Variants in SMG6 observed in about 807,000 individuals in gnomAD.
The protein encoded by SMG6 is SMG6 nonsense mediated mRNA decay factor, also known as telomerase-binding protein EST1A.
A neutral mutation model predicts 142.2 loss-of-function variants in SMG6; 66 were observed. The observed-to-expected ratio is 0.46, with a 90% confidence interval of 0.38 to 0.57. The LOEUF (loss-of-function observed/expected upper bound fraction) is 0.57, where lower values mean the gene tolerates loss of function less well. SMG6 is among the 20% of genes least tolerant of loss of function. The pLI is 0.00. For missense variants in SMG6, 1,793 were observed against 1,832.0 expected (o/e 0.98, Z 0.39); for synonymous variants, 779 against 702.4 (o/e 1.11, Z -1.72).
At chr17:2,149,370 A>AG (rs2070761037) in intron 13 of SMG6, among the ~76,000 whole-genome samples, 1 of 143,944 alleles carries the variant, frequency 6.9e-6, no homozygotes, top group Non-Finnish European at 1.5e-5. Flanking sequence ...AAAAAAAAAA[A>AG]AAAAGGGTTA....
rs1247144149 is a variant in SMG6, at chr17:2,068,193, G to A, written c.3835+585C>T. ...AGCTGGGTCCTGAGATGCTGACCCTGCACCAGCACCAAGGCCCAGACAGTG... is the reference window on the plus strand; with the variant it reads ...AGCTGGGTCCTGAGATGCTGACCCTACACCAGCACCAAGGCCCAGACAGTG... On this transcript the variant is annotated intron_variant, in intron 16 of 18. Transcript: ENST00000263073. The surrounding 1 kb of genome is among the most constrained non-coding windows in gnomAD (Gnocchi z 6.7). Among the ~76,000 whole-genome samples the A allele has an allele frequency of 6.6e-6, 1 of 152,184 alleles. No individual in the cohort carries two copies. Among genetic ancestry groups the A allele is most frequent in the Non-Finnish European group, 1.5e-5 (1 of 68,042 alleles).
chr17:2,081,570 T>C (rs1260779302), intron 15 of SMG6, among the ~76,000 whole-genome samples: 2 of 152,134 alleles, frequency 1.3e-5, no homozygotes, highest in Non-Finnish European at 2.9e-5. Context: ...GGAAGCAGCT[T>C]TTCTCAGAGT....
chr17:2,150,551 G>C (rs2070794717), intron 13 of SMG6, among the ~76,000 whole-genome samples: 1 of 151,446 alleles, frequency 6.6e-6, no homozygotes, highest in South Asian at 2.1e-4. Context: ...AAAGGACACA[G>C]CTATGCCCCA....
chr17:2,096,001 A>G (rs2068846095), intron 13 of SMG6, among the ~76,000 whole-genome samples: 2 of 152,100 alleles, frequency 1.3e-5, no homozygotes, highest in African/African-American at 4.8e-5. Flanking sequence ...ACCTGCAGTT[A>G]TTTTACATTT....
At chr17:2,111,246 T>G (rs2069307385) in intron 13 of SMG6, among the ~76,000 whole-genome samples, 1 of 151,824 alleles carries the variant, frequency 6.6e-6, no homozygotes, top group African/African-American at 2.4e-5. Context: ...CAGACAGTAG[T>G]GGGAAGTACT....
intron 4 of SMG6, among the ~76,000 whole-genome samples, chr17:2,296,931 G>A (rs2075154138): frequency 6.6e-6 from 1 of 150,852 alleles, no homozygotes; most frequent in Non-Finnish European, 1.5e-5. Context: ...GGAGGCAGAG[G>A]TTGAAGGTTA....
chr17:2,158,886 T>C (rs1485587074), intron 13 of SMG6, among the ~76,000 whole-genome samples: 1 of 145,138 alleles, frequency 6.9e-6, no homozygotes, highest in Non-Finnish European at 1.5e-5. Context: ...AAGTTTGCTG[T>C]TCAAGACTAT....
At chr17:2,278,167 G>A (rs551565585) in intron 8 of SMG6, among the ~76,000 whole-genome samples, 303 of 151,828 alleles carry the variant, frequency 2.0e-3, no homozygotes, top group Non-Finnish European at 3.2e-3. Flanking sequence ...TGATGTCTCC[G>A]AAGGAAAGAA....
intron 8 of SMG6, among the ~76,000 whole-genome samples, chr17:2,276,620 A>C (rs2074655308): frequency 6.6e-6 from 1 of 152,172 alleles, no homozygotes; most frequent in Non-Finnish European, 1.5e-5. Flanking sequence ...TTCCAACCTC[A>C]GGTGATCCAC....
intron 13 of SMG6, among the ~76,000 whole-genome samples, chr17:2,121,788 T>C (rs2069710693): frequency 1.3e-5 from 2 of 152,098 alleles, no homozygotes; most frequent in African/African-American, 4.8e-5. Flanking sequence ...GGCTAATTTT[T>C]GTATTTTTTG....
chr17:2,160,999 C>T (rs1012319364), intron 13 of SMG6, among the ~76,000 whole-genome samples: 1 of 151,552 alleles, frequency 6.6e-6, no homozygotes, highest in African/African-American at 2.4e-5. Context: ...TCCTCTTAAC[C>T]AATTTTAATT....
At chr17:2,240,911 G>C (rs118075173) in intron 9 of SMG6, among the ~76,000 whole-genome samples, 1 of 152,154 alleles carries the variant, frequency 6.6e-6, no homozygotes, top group Non-Finnish European at 1.5e-5. Context: ...CATCTTCTTC[G>C]TAATTAGGCA....
intron 10 of SMG6, among the ~76,000 whole-genome samples, chr17:2,192,294 G>A (rs779848966): frequency 1.3e-5 from 2 of 152,260 alleles, no homozygotes; most frequent in African/African-American, 2.4e-5. Context: ...GTGGGATGGA[G>A]TTTGGTTGGT....
rs2074843878 is a variant in SMG6, at chr17:2,283,760, C to T, written c.2338-25G>A. 5.1e-6 allele frequency: 8 copies of T among 1,583,712 alleles called. No individual in the cohort carries two copies. The East Asian group carries it at 1.8e-4, about 35-fold the overall frequency. ...TCTGTGGAAAGAGGCCAGAGACATT[C>T]AGTCAACCAATTCTCGTCCTAACTC... is the stretch of plus-strand genomic sequence containing the variant. On this transcript the variant is annotated intron_variant, in intron 6 of 18. Coordinates refer to ENST00000263073, the MANE Select transcript of SMG6 (RefSeq NM_017575.5).
chr17:2,140,474 A>C (rs1354326186), intron 13 of SMG6, among the ~76,000 whole-genome samples: 3 of 152,182 alleles, frequency 2.0e-5, no homozygotes, highest in Non-Finnish European at 2.9e-5. Flanking sequence ...GATCAAGACC[A>C]TCCTGGCTAG....
chr17:2,131,878 C>T (rs537716363), intron 13 of SMG6, among the ~76,000 whole-genome samples: 1 of 152,208 alleles, frequency 6.6e-6, no homozygotes, highest in African/African-American at 2.4e-5. Flanking sequence ...TCAAGACCAG[C>T]CTGGCCAACA....
Position 2,130,000 on chromosome 17 carries a change from C to A in SMG6, c.3357+42658G>T, listed in dbSNP as rs530257302. 1.7e-4 allele frequency among the ~76,000 whole-genome samples: 26 copies of A among 151,782 alleles called. No individual in the cohort carries two copies. The East Asian group carries it at 4.3e-3, about 25-fold the overall frequency. On this transcript the variant is annotated intron_variant, in intron 13 of 18. Coordinates refer to ENST00000263073, the MANE Select transcript of SMG6 (RefSeq NM_017575.5). ...AGGCTGGGGGCGAGGTGGCTCACAT[C>A]TGTAATCCCAGCACTTTGGGAGGCT...
chr17:2,112,028 T>A (rs148380962), intron 13 of SMG6, among the ~76,000 whole-genome samples: 1 of 152,262 alleles, frequency 6.6e-6, no homozygotes, highest in African/African-American at 2.4e-5. Context: ...TCTCTATATG[T>A]CTGCCTGTTA....
At chr17:2,069,599 A>C (rs1198259314) in intron 15 of SMG6, among the ~76,000 whole-genome samples, 1 of 152,214 alleles carries the variant, frequency 6.6e-6, no homozygotes, top group African/African-American at 2.4e-5. Flanking sequence ...CTGTCTCAAA[A>C]AACAAAAACA....
Sources: gnomAD v4.1 joint callset for allele counts (sites outside exome capture counted in the v4.1 genomes callset) on GRCh38, gnomAD v4.1.1 for gene constraint, Gnocchi (gnomAD v3.1) non-coding constraint, MANE v1.5 for transcripts, NCBI Gene and HGNC (gene_info 2026-07-23, HGNC 2026-07-21) for gene names.